The following DAB1 variants were observed in gnomAD, a reference collection of about 807,000 sequenced individuals.
DAB1 encodes the protein disabled homolog 1.
In DAB1, 15 loss-of-function variants were observed where a neutral mutation model predicts 64.6. The observed-to-expected ratio is 0.23, with a 90% CI of 0.16 to 0.36. The LOEUF is 0.36. Ranked by LOEUF, DAB1 falls within the 10% of genes least tolerant of loss-of-function variation. The probability of loss-of-function intolerance (pLI) is 1.00; values close to 1 mark genes in which losing one functional copy is unlikely to be tolerated. For missense variants in DAB1, 596 were observed against 706.7 expected (o/e 0.84, Z 1.78); for synonymous variants, 235 against 251.9 (o/e 0.93, Z 0.64).
chr1:58,255,426 TTCTC>T (rs66613225), intron 4 of DAB1, among the ~76,000 whole-genome samples: 76,506 of 148,928 alleles, frequency 0.51, 20,160 homozygotes, highest in East Asian at 0.69. Flanking sequence ...TGCTTGTTCA[TTCTC>T]TCTCTCTCTC....
At chr1:57,553,343 GAA>G (rs1440038091) in intron 7 of DAB1, among the ~76,000 whole-genome samples, 1 of 143,768 alleles carries the variant, frequency 7.0e-6, no homozygotes, top group African/African-American at 2.6e-5. Context: ...AAGAAACAGA[GAA>G]AGAGAGAGAG....
chr1:57,642,382 G>C (rs1009215631), intron 7 of DAB1, among the ~76,000 whole-genome samples: 6 of 152,178 alleles, frequency 3.9e-5, no homozygotes, highest in African/African-American at 1.4e-4. Flanking sequence ...GTCCCAAGCA[G>C]TAGGGAGCCT....
In DAB1 at chr1:57,348,606, T is replaced by G. The variant is rs1570339902; in HGVS notation, c.-136-57440A>C. Among the ~76,000 whole-genome samples, 5 of 152,198 alleles carry G rather than the reference T, an allele frequency of 3.3e-5. No homozygotes were observed. The East Asian group carries it at 9.7e-4, about 29-fold the overall frequency. The stretch of plus-strand genomic sequence containing the variant: ...TCATCTGTTCAGTAACTCTCCCCAT[T>G]TCACTCATCTTGCCAGAGTCAGGAA... On this transcript the variant is annotated intron_variant, in intron 1 of 14. Transcript: ENST00000371236.
chr1:57,996,453 A>G (rs1646426739), intron 5 of DAB1, among the ~76,000 whole-genome samples: 1 of 152,162 alleles, frequency 6.6e-6, no homozygotes, highest in African/African-American at 2.4e-5. Context: ...TTTTCTGAGG[A>G]TCCCAAATTT....
intron 4 of DAB1, among the ~76,000 whole-genome samples, chr1:58,216,353 T>C (rs886519010): frequency 6.6e-6 from 1 of 152,158 alleles, no homozygotes; most frequent in Admixed American, 6.5e-5. Flanking sequence ...TGCAAAGGAC[T>C]TGAACTCATC....
At chr1:57,815,217 C>G (rs972659442) in intron 6 of DAB1, among the ~76,000 whole-genome samples, 2 of 151,880 alleles carry the variant, frequency 1.3e-5, no homozygotes, top group African/African-American at 2.4e-5. Context: ...TACAGGCACC[C>G]GCCACCACAC....
At chr1:57,061,328 G>A (rs1650379669) in intron 9 of DAB1, among the ~76,000 whole-genome samples, 1 of 152,016 alleles carries the variant, frequency 6.6e-6, no homozygotes, top group Non-Finnish European at 1.5e-5. Context: ...AAGGGGGCAG[G>A]CAAGGATGAG....
intron 1 of DAB1, among the ~76,000 whole-genome samples, chr1:57,345,211 G>T (rs915117239): frequency 2.0e-5 from 3 of 152,186 alleles, no homozygotes; most frequent in Admixed American, 6.5e-5. Context: ...TTGGGGACCT[G>T]CCCCCTATCG....
intron 4 of DAB1, among the ~76,000 whole-genome samples, chr1:57,099,850 GCAGA>G (rs1654508015): frequency 6.6e-6 from 1 of 152,126 alleles, no homozygotes; most frequent in African/African-American, 2.4e-5. Flanking sequence ...TAAAGAAAAG[GCAGA>G]CAAAGTTCCA....
chr1:58,530,509 G>A (rs1441705692), intron 1 of DAB1: 1 of 709,350 alleles, frequency 1.4e-6, no homozygotes, highest in East Asian at 2.5e-5. Context: ...ATAGTAAAAT[G>A]TAAAAACATC....
chr1:57,592,870 T>C (rs749655196), intron 7 of DAB1, among the ~76,000 whole-genome samples: 6 of 152,166 alleles, frequency 3.9e-5, no homozygotes, highest in Non-Finnish European at 4.4e-5. Context: ...TTCCTCTCTG[T>C]GTGCATGGAG....
chr1:58,166,015 A>G (rs551798813), intron 4 of DAB1, among the ~76,000 whole-genome samples: 14 of 152,328 alleles, frequency 9.2e-5, no homozygotes, highest in African/African-American at 2.9e-4. Context: ...AAGTAAGTGG[A>G]AAGACCAGGG....
At chr1:58,068,503 C>T (rs564080438) in intron 5 of DAB1, among the ~76,000 whole-genome samples, 26 of 152,190 alleles carry the variant, frequency 1.7e-4, no homozygotes, top group African/African-American at 5.3e-4. Flanking sequence ...TGGTGGCTCA[C>T]GCCTGTAATC....
chr1:57,816,915 C>A (rs1651882518), intron 6 of DAB1, among the ~76,000 whole-genome samples: 1 of 152,206 alleles, frequency 6.6e-6, no homozygotes, highest in Admixed American at 6.5e-5. Context: ...CTTTACATAT[C>A]TATGTCCTTG....
chr1:57,500,571 C>T (rs914765173), intron 7 of DAB1, among the ~76,000 whole-genome samples: 3 of 152,156 alleles, frequency 2.0e-5, no homozygotes, highest in Non-Finnish European at 4.4e-5. Flanking sequence ...ATCAGGAAAT[C>T]TCAACAAATT....
intron 7 of DAB1, among the ~76,000 whole-genome samples, chr1:57,568,852 T>C (rs1453566968): frequency 1.3e-5 from 2 of 152,120 alleles, no homozygotes; most frequent in African/African-American, 4.8e-5. Flanking sequence ...AGTTCAACCA[T>C]TGTGGAAGTC....
intron 7 of DAB1, among the ~76,000 whole-genome samples, chr1:57,440,161 C>T (rs1033332393): frequency 2.0e-5 from 3 of 152,202 alleles, no homozygotes; most frequent in Non-Finnish European, 4.4e-5. Context: ...CCTTCTCTGA[C>T]CATTCTTTCT....
intron 7 of DAB1, among the ~76,000 whole-genome samples, chr1:57,469,318 T>C (rs1687062406): frequency 6.6e-6 from 1 of 152,296 alleles, no homozygotes; most frequent in South Asian, 2.1e-4. Context: ...AGGCTGAACC[T>C]AGAGACTGCA....
At chr1:57,367,099 A>AAAATAAAATAAAATAAAAT in intron 1 of DAB1, among the ~76,000 whole-genome samples, 6 of 115,084 alleles carry the variant, frequency 5.2e-5, no homozygotes, top group Non-Finnish European at 5.8e-5. Flanking sequence ...AAAATAAAAT[A>AAAATAAAATAAAATAAAAT]AAATAAAATA....
Sources: gnomAD v4.1 joint callset for allele counts (sites outside exome capture counted in the v4.1 genomes callset) on GRCh38, gnomAD v4.1.1 for gene constraint, MANE v1.5 for transcripts, NCBI Gene and HGNC (gene_info 2026-07-23, HGNC 2026-07-21) for gene names.